Variants in STK39 observed in about 807,000 individuals in gnomAD.
The protein encoded by STK39 is STE20/SPS1-related proline-alanine-rich protein kinase.
STK39 carries 20 observed loss-of-function variants against 77.8 expected under a neutral mutation model. The observed-to-expected ratio is 0.26, with a 90% CI of 0.18 to 0.37. The LOEUF is 0.37. Ranked by LOEUF, STK39 falls within the 10% of genes least tolerant of loss-of-function variation. The pLI, the probability that STK39 is intolerant of heterozygous loss-of-function variation, is 1.00. For missense variants in STK39, 479 were observed against 656.5 expected, an observed-to-expected ratio of 0.73 and a Z score of 2.95; for synonymous variants, 246 against 234.1, an observed-to-expected ratio of 1.05 and a Z score of -0.47.
chr2:168,247,356 G>GCCA lies in STK39; in HGVS notation c.79_80insTGG (p.Ala26_Ala27insVal). The GCCA allele has an allele frequency of 1.0e-6, 1 of 975,366 alleles. No individual in the cohort carries two copies. Among genetic ancestry groups the GCCA allele is most frequent in the Non-Finnish European group, 1.2e-6 (1 of 805,282 alleles). 60.4% of individuals were successfully genotyped at this position (975,366 alleles called of 1,614,324 possible). A position where few individuals can be genotyped will look rare whatever the true frequency, so the allele number is the denominator to read the frequency against. ...CGGCGCTGCTGTCGCGGCCGCCGGG[G>GCCA]CCGCCGCCGCCGCCGCTGTCACCGG... is the stretch of plus-strand genomic sequence containing the variant. On this transcript the variant is annotated inframe_insertion, in exon 1 of 18. Coordinates refer to ENST00000355999, the MANE Select transcript of STK39 (RefSeq NM_013233.3).
At chr2:168,018,886 G>A (rs1684500861) in intron 14 of STK39, among the ~76,000 whole-genome samples, 1 of 152,076 alleles carries the variant, frequency 6.6e-6, no homozygotes, top group African/African-American at 2.4e-5. Context: ...AGGATACACA[G>A]GGCATGGCAC....
intron 12 of STK39, among the ~76,000 whole-genome samples, chr2:168,071,340 A>G (rs1465748373): frequency 6.6e-6 from 1 of 152,132 alleles, no homozygotes; most frequent in Non-Finnish European, 1.5e-5. Context: ...AAGAAACACA[A>G]ACTTCCATGT....
At chr2:168,166,098 T>TTAA (rs1159550636) in intron 3 of STK39, among the ~76,000 whole-genome samples, 3 of 152,204 alleles carry the variant, frequency 2.0e-5, no homozygotes, top group African/African-American at 7.2e-5. Context: ...AGTCAACAGA[T>TTAA]GTTAAAGTCA....
chr2:168,247,574 G>GT lies in STK39; in HGVS notation c.-140_-139insA. The GT allele has an allele frequency of 6.2e-6, 4 of 649,324 alleles. No individual in the cohort carries two copies. The highest frequency in any genetic ancestry group is 8.1e-6 in the Non-Finnish European group (4 of 496,600). 40.2% of individuals were successfully genotyped at this position (649,324 alleles called of 1,614,324 possible). ...CGCCGCCGCCGCCGTCCCCGCCGAA[G>GT]CCAGCTAGGAGGGGAGGGAGCAAGG... is the stretch of plus-strand genomic sequence containing the variant. On this transcript the variant is annotated 5_prime_UTR_variant, in exon 1 of 18. Transcript: ENST00000355999.
chr2:168,033,505 GC>G (rs748431641), intron 14 of STK39, among the ~76,000 whole-genome samples: 20 of 152,318 alleles, frequency 1.3e-4, no homozygotes, highest in Non-Finnish European at 2.6e-4. Context: ...GGTATATGTA[GC>G]AGAGCTCTGG....
At chr2:168,115,130 A>G (rs1288713299) in intron 10 of STK39, among the ~76,000 whole-genome samples, 4 of 152,208 alleles carry the variant, frequency 2.6e-5, no homozygotes, top group East Asian at 3.8e-4. Context: ...TCAAGGTTGC[A>G]GAACCACCAG....
rs918988352 is a variant in STK39, at chr2:168,087,959, C to T, written c.1090-12728G>A. On this transcript the variant is annotated intron_variant, in intron 10 of 17. Transcript: ENST00000355999. The stretch of plus-strand genomic sequence containing the variant: ...TGAAATAAAGATCAGGGGTTAGCTA[C>T]TGGTTAAACATCATTTATGTTAGGT... 2.6e-5 allele frequency among the ~76,000 whole-genome samples: 4 copies of T among 152,126 alleles called. No homozygotes were observed. The South Asian group carries it at 8.3e-4, about 32-fold the overall frequency.
chr2:168,116,531 A>G (rs909980251), intron 10 of STK39, among the ~76,000 whole-genome samples: 8 of 152,196 alleles, frequency 5.3e-5, no homozygotes, highest in Non-Finnish European at 2.9e-5. Context: ...CTGGCCTTTT[A>G]AAATAAATAG....
intron 12 of STK39, among the ~76,000 whole-genome samples, chr2:168,068,080 C>G (rs1270637486): frequency 1.3e-5 from 2 of 152,144 alleles, no homozygotes; most frequent in African/African-American, 4.8e-5. Context: ...TACACTATTA[C>G]GAGAACAGTA....
In STK39 at chr2:168,044,248, G is replaced by A. The variant is rs59059482; in HGVS notation, c.1376+19252C>T. On this transcript the variant is annotated intron_variant, in intron 14 of 17. Transcript: ENST00000355999. ...AACAGCAGAGATAACCTCCCTTTAA[G>A]GTAACCTTAGACTTAATGGACCTTT... Among the ~76,000 whole-genome samples, 1,507 of 152,086 alleles carry A rather than the reference G, an allele frequency of 9.9e-3. 31 individuals carry two copies. Among genetic ancestry groups the A allele is most frequent in the African/African-American group, 0.035 (1,455 of 41,490 alleles).
intron 12 of STK39, among the ~76,000 whole-genome samples, chr2:168,071,382 T>C (rs1020345924): frequency 2.6e-5 from 4 of 152,052 alleles, no homozygotes; most frequent in Non-Finnish European, 5.9e-5. Context: ...ACTATCTCAA[T>C]CTTCTAGTGG....
chr2:167,996,633 C>T (rs568046145), intron 16 of STK39, among the ~76,000 whole-genome samples: 2 of 152,294 alleles, frequency 1.3e-5, no homozygotes, highest in African/African-American at 2.4e-5. Flanking sequence ...AAATAGAAGG[C>T]TTATTGCATT....
intron 1 of STK39, among the ~76,000 whole-genome samples, chr2:168,227,865 G>C (rs1296961830): frequency 6.6e-6 from 1 of 151,982 alleles, no homozygotes; most frequent in East Asian, 1.9e-4. Context: ...CACCGTGTTA[G>C]CCAGGATGGT....
chr2:168,242,566 T>A (rs1194733596), intron 1 of STK39, among the ~76,000 whole-genome samples: 13,961 of 29,944 alleles, frequency 0.47, 2,872 homozygotes, highest in Non-Finnish European at 0.49. Context: ...AAAAAATATA[T>A]ATATATATAT....
chr2:167,961,770 C>T (rs1225386954), intron 17 of STK39, among the ~76,000 whole-genome samples: 1 of 152,210 alleles, frequency 6.6e-6, no homozygotes, highest in African/African-American at 2.4e-5. Context: ...ACTGGAACCA[C>T]CATGAAGTCC....
intron 2 of STK39, among the ~76,000 whole-genome samples, chr2:168,173,547 T>TAA (rs1688880344): frequency 8.3e-6 from 1 of 120,708 alleles, no homozygotes. Flanking sequence ...ATTTTTTTAT[T>TAA]TATATTTATA....
chr2:168,000,943 G>C (rs1455562996), intron 16 of STK39, among the ~76,000 whole-genome samples: 3 of 152,162 alleles, frequency 2.0e-5, no homozygotes, highest in Non-Finnish European at 4.4e-5. Context: ...AATTCTACAA[G>C]GATAAAGATT....
intron 3 of STK39, among the ~76,000 whole-genome samples, chr2:168,164,469 C>A (rs1157595650): frequency 6.6e-6 from 1 of 152,116 alleles, no homozygotes; most frequent in African/African-American, 2.4e-5. Context: ...TGCAGTGGAG[C>A]AATCACAGCT....
intron 2 of STK39, among the ~76,000 whole-genome samples, chr2:168,175,322 C>T (rs979969930): frequency 3.9e-5 from 6 of 152,102 alleles, no homozygotes; most frequent in South Asian, 4.1e-4. Flanking sequence ...TCCCCATTTT[C>T]TCCTACTCTG....
Sources: gnomAD v4.1 joint callset for allele counts (sites outside exome capture counted in the v4.1 genomes callset) on GRCh38, gnomAD v4.1.1 for gene constraint, MANE v1.5 for transcripts, NCBI Gene and HGNC (gene_info 2026-07-23, HGNC 2026-07-21) for gene names.